GRIK3: variants seen among roughly 807,000 people sequenced by gnomAD.
GRIK3 encodes glutamate ionotropic receptor kainate type subunit 3.
Under a neutral mutation model 102.5 loss-of-function variants are expected in GRIK3, and 29 were observed. The ratio of observed to expected loss-of-function variants is 0.28; its 90% CI spans 0.21 to 0.39. The LOEUF (loss-of-function observed/expected upper bound fraction) is 0.39. Ranked by LOEUF, GRIK3 falls within the 10% of genes least tolerant of loss-of-function variation. The pLI, the probability that GRIK3 is intolerant of heterozygous loss-of-function variation, is 1.00. For missense variants in GRIK3, 908 were observed against 1,252.4 expected, an observed-to-expected ratio of 0.73 and a Z score of 4.15; for synonymous variants, 511 against 504.9, an observed-to-expected ratio of 1.01 and a Z score of -0.16.
intron 15 of GRIK3, among the ~76,000 whole-genome samples, chr1:36,802,327 C>T (rs564938175): frequency 2.0e-5 from 3 of 152,268 alleles, no homozygotes; most frequent in East Asian, 3.9e-4. Flanking sequence ...TGCACATTAA[C>T]GTCTGAGGAG....
At position 36,798,181 on chromosome 1, in the gene GRIK3, G is replaced by A. The variant is rs1642390633; in HGVS notation, c.*3670C>T. On this transcript the variant is annotated 3_prime_UTR_variant, in exon 16 of 16. Coordinates refer to ENST00000373091, the MANE Select transcript of GRIK3 (RefSeq NM_000831.4). ...AAACCAGCAGCAGGACAAGGGGAGAGTGATTGGGAGGGCTCACTGTCCTTA... is the reference window on the plus strand; with the variant it reads ...AAACCAGCAGCAGGACAAGGGGAGAATGATTGGGAGGGCTCACTGTCCTTA... The A allele has an allele frequency of 6.6e-6, 1 of 152,346 alleles. No individual in the cohort carries two copies. The highest frequency in any genetic ancestry group is 1.5e-5 in the Non-Finnish European group (1 of 68,132). 9.4% of individuals were successfully genotyped at this position (152,346 alleles called of 1,614,324 possible).
intron 10 of GRIK3, among the ~76,000 whole-genome samples, chr1:36,836,282 G>A (rs1320116162): frequency 6.6e-6 from 1 of 152,218 alleles, no homozygotes; most frequent in Non-Finnish European, 1.5e-5. Context: ...TTGACATAAG[G>A]CCCTCCTCTC....
Position 36,853,719 on chromosome 1 carries a change from G to C in GRIK3, c.1108C>G (p.Gln370Glu). The C allele has an allele frequency of 6.3e-7, 1 of 1,589,282 alleles. No individual in the cohort carries two copies. Among genetic ancestry groups the C allele is most frequent in the Non-Finnish European group, 8.6e-7 (1 of 1,157,302 alleles). ...ATTCGTCCAGTTAATCCTTCCCATT[G>C]AGCCTGCGGAGGGGAGAGGGCAGAG... ...GRFMNFIKEA[Q>E]WEGLTGRIVF... is the part of the protein sequence containing the mutation. Residue 370 changes from glutamine to glutamate, a missense_variant, in exon 8 of 16, where the codon CAA (glutamine) becomes GAA (glutamate). Physicochemically the swap from Gln to Glu is conservative, Grantham distance 29. Around this residue, in one of 3 missense-constraint regions of GRIK3, gnomAD observed 585 missense variants for 824.9 expected, o/e 0.71. Coordinates refer to ENST00000373091, the MANE Select transcript of GRIK3 (RefSeq NM_000831.4).
At chr1:36,970,971 C>T (rs932725953) in intron 1 of GRIK3, among the ~76,000 whole-genome samples, 1 of 152,194 alleles carries the variant, frequency 6.6e-6, no homozygotes, top group Non-Finnish European at 1.5e-5. Context: ...TCACAACAAG[C>T]CCTTGTTGGG....
chr1:36,901,313 T>C (rs1369614802), intron 1 of GRIK3, among the ~76,000 whole-genome samples: 1 of 152,136 alleles, frequency 6.6e-6, no homozygotes, highest in African/African-American at 2.4e-5. Flanking sequence ...AATCCAATCA[T>C]GTATAAAAAG....
chr1:36,872,562 AACACATGGCT>A lies in GRIK3; in HGVS notation c.551-203_551-194del, dbSNP rs1336848983. On this transcript the variant is annotated intron_variant, in intron 3 of 15. Transcript: ENST00000373091. This position sits in a 1 kb window ranked among gnomAD's most constrained non-coding sequence, Gnocchi z 5.9. ...GAGAGCAGGTGTGTGTGCACATACA[AACACATGGCT>A]ACACGCACGTGCATGTCAATATGGG... Among the ~76,000 whole-genome samples, 3 of 152,186 alleles carry A rather than the reference AACACATGGCT, an allele frequency of 2.0e-5. No homozygotes were observed. The highest frequency in any genetic ancestry group is 4.4e-5 in the Non-Finnish European group (3 of 68,018).
At position 36,913,685 on chromosome 1, in the gene GRIK3, C is replaced by A. The variant is rs536352235; in HGVS notation, c.116-22589G>T. Reference sequence around the variant, plus strand: ...ACACATCATTCTCATCAGGTGGCAACACCACGCCCCACAGCCCCACCCCCA... The same window carrying A: ...ACACATCATTCTCATCAGGTGGCAAAACCACGCCCCACAGCCCCACCCCCA... On this transcript the variant is annotated intron_variant, in intron 1 of 15. Transcript: ENST00000373091. Among the ~76,000 whole-genome samples, 35 of 152,284 alleles carry A rather than the reference C, an allele frequency of 2.3e-4. No homozygotes were observed. The South Asian group carries it at 7.3e-3, about 32-fold the overall frequency.
chr1:36,916,619 GA>G (rs753676512), intron 1 of GRIK3, among the ~76,000 whole-genome samples: 1 of 152,186 alleles, frequency 6.6e-6, no homozygotes, highest in African/African-American at 2.4e-5. Context: ...ACTAAAAGGG[GA>G]CAAGTTACAC....
chr1:36,907,019 C>T (rs983234526), intron 1 of GRIK3, among the ~76,000 whole-genome samples: 2 of 151,976 alleles, frequency 1.3e-5, no homozygotes, highest in South Asian at 4.2e-4. Context: ...CATATGTACC[C>T]CAAAACTCTG....
chr1:36,947,732 A>AT (rs1221312475), intron 1 of GRIK3, among the ~76,000 whole-genome samples: 1 of 151,746 alleles, frequency 6.6e-6, no homozygotes, highest in East Asian at 1.9e-4. Flanking sequence ...ATATGCTGCT[A>AT]TTTTCTATCC....
rs1445820003 is a variant in GRIK3 at position 36,853,743 on chromosome 1, A to T, written c.1105-21T>A. On this transcript the variant is annotated intron_variant, in intron 7 of 15. Coordinates refer to ENST00000373091, the MANE Select transcript of GRIK3 (RefSeq NM_000831.4). ...TGAGCCTGCGGAGGGGAGAGGGCAG[A>T]GCGGCAATTCCTCGGGCTTATAAAT... 5 of 1,350,870 alleles carry T rather than the reference A, an allele frequency of 3.7e-6. No homozygotes were observed. The South Asian group carries it at 5.8e-5, about 16-fold the overall frequency. 83.7% of individuals were successfully genotyped at this position (1,350,870 alleles called of 1,614,324 possible). A position where few individuals can be genotyped will look rare whatever the true frequency, so the allele number is the denominator to read the frequency against.
At chr1:36,964,477 C>G (rs980895512) in intron 1 of GRIK3, among the ~76,000 whole-genome samples, 1 of 152,228 alleles carries the variant, frequency 6.6e-6, no homozygotes, top group East Asian at 1.9e-4. Flanking sequence ...CACTGGAAAC[C>G]GAACCCCCAC....
At chr1:36,971,092 C>T (rs540253087) in intron 1 of GRIK3, among the ~76,000 whole-genome samples, 2 of 152,340 alleles carry the variant, frequency 1.3e-5, no homozygotes, top group East Asian at 3.9e-4. Context: ...ACCTCCAGGA[C>T]ATGCTTAGTC....
intron 1 of GRIK3, among the ~76,000 whole-genome samples, chr1:37,033,580 G>A (rs1384075254): frequency 1.3e-5 from 2 of 152,234 alleles, no homozygotes; most frequent in African/African-American, 2.4e-5. Flanking sequence ...GGGCCCGCGG[G>A]GAGTGAGGTG....
intron 1 of GRIK3, among the ~76,000 whole-genome samples, chr1:36,957,454 T>C (rs12407776): frequency 0.037 from 1,818 of 48,568 alleles, 163 homozygotes; most frequent in Middle Eastern, 0.06. Flanking sequence ...GTCTGTGCCC[T>C]GTGAGCCTAT....
At chr1:36,882,213 C>G (rs1368601873) in intron 2 of GRIK3, among the ~76,000 whole-genome samples, 1 of 152,154 alleles carries the variant, frequency 6.6e-6, no homozygotes, top group Admixed American at 6.5e-5. Flanking sequence ...ACTGCTGTAT[C>G]GACAGTGCCG....
chr1:36,802,061 GGAGAGGGGTCGGAAAAGGGGCACA>G lies in GRIK3; in HGVS notation c.2566-40_2566-17del. On this transcript the variant is annotated splice_polypyrimidine_tract_variant and intron_variant, in intron 15 of 15. Coordinates refer to ENST00000373091, the MANE Select transcript of GRIK3 (RefSeq NM_000831.4). Reference sequence around the variant, plus strand: ...AGAAGGAACGCTGCAGGAGGGTGGAGGAGAGGGGTCGGAAAAGGGGCACAGAGTGATGCCCGGTCTTGCAACTCC... The same window carrying G: ...AGAAGGAACGCTGCAGGAGGGTGGAGGAGTGATGCCCGGTCTTGCAACTCC... The G allele has an allele frequency of 3.8e-6, 6 of 1,591,158 alleles. No individual in the cohort carries two copies. The highest frequency in any genetic ancestry group is 5.1e-6 in the Non-Finnish European group (6 of 1,167,252).
intron 10 of GRIK3, among the ~76,000 whole-genome samples, chr1:36,834,381 C>T (rs1446523638): frequency 2.0e-5 from 3 of 152,188 alleles, no homozygotes; most frequent in Non-Finnish European, 4.4e-5. Context: ...TGTGGATGAC[C>T]TGCCAGCTAG....
chr1:36,898,563 G>A (rs1641199082), intron 1 of GRIK3, among the ~76,000 whole-genome samples: 1 of 152,162 alleles, frequency 6.6e-6, no homozygotes, highest in African/African-American at 2.4e-5. Flanking sequence ...TACATCCCAT[G>A]TTCATGGACT....
Sources: allele counts gnomAD v4.1 joint callset (sites outside exome capture counted in the v4.1 genomes callset), GRCh38; gene constraint gnomAD v4.1.1; regional missense constraint gnomAD v4.1.1; non-coding constraint Gnocchi (gnomAD v3.1); transcripts MANE v1.5; gene names NCBI Gene and HGNC (gene_info 2026-07-23, HGNC 2026-07-21).